Variants in TM4SF20 observed in about 807,000 individuals in gnomAD.
TM4SF20 encodes transmembrane 4 L6 family member 20.
A neutral mutation model predicts 15.1 loss-of-function variants in TM4SF20; 13 were observed. That is an observed-to-expected ratio of 0.86 (90% CI 0.56 to 1.36). TM4SF20 has a LOEUF of 1.36. Among genes scored for constraint, TM4SF20 ranks in the 40% most tolerant of loss-of-function variants. The probability of loss-of-function intolerance (pLI) is 0.00; values close to 1 mark genes in which losing one functional copy is unlikely to be tolerated. For missense variants in TM4SF20, 282 were observed against 268.4 expected (o/e 1.05, Z -0.35); for synonymous variants, 92 against 96.6 (o/e 0.95, Z 0.28).
intron 2 of TM4SF20, among the ~76,000 whole-genome samples, chr2:227,369,617 C>T (rs1267806818): frequency 5.3e-5 from 8 of 151,964 alleles, no homozygotes; most frequent in Admixed American, 2.6e-4. Context: ...TTAGTAGAGA[C>T]GGGGTTTCAC....
chr2:227,381,405 G>T (rs992005967), upstream of TM4SF20, among the ~76,000 whole-genome samples: 1 of 151,528 alleles, frequency 6.6e-6, no homozygotes, highest in Non-Finnish European at 1.5e-5. Flanking sequence ...CTGCATGGTT[G>T]AGATTTCTAC....
In TM4SF20 at chr2:227,363,657, C is replaced by G. The variant is rs2076374487; in HGVS notation, c.*67G>C. ...ATTTTTTAAATCATCTCAAAGATGA[C>G]TTTGAAAACAAGTGTACTTCTCAAA... On this transcript the variant is annotated 3_prime_UTR_variant, in exon 4 of 4. Transcript: ENST00000304568. The G allele has an allele frequency of 1.3e-6, 2 of 1,482,776 alleles. No individual in the cohort carries two copies. The highest frequency in any genetic ancestry group is 4.2e-5 in the Admixed American group (2 of 47,112). 91.9% of individuals were successfully genotyped at this position (1,482,776 alleles called of 1,614,324 possible).
At chr2:227,369,026 T>C (rs1269167079) in intron 2 of TM4SF20, among the ~76,000 whole-genome samples, 5 of 152,220 alleles carry the variant, frequency 3.3e-5, no homozygotes, top group Admixed American at 2.6e-4. Context: ...TTCAGAAATG[T>C]CTCAGGATGT....
intron 1 of TM4SF20, among the ~76,000 whole-genome samples, chr2:227,378,039 T>C (rs1322749142): frequency 4.6e-5 from 7 of 151,634 alleles, no homozygotes; most frequent in Non-Finnish European, 7.4e-5. Context: ...AAAACACTGA[T>C]AATATCAGTC....
chr2:227,368,168 C>T (rs1198771627), intron 2 of TM4SF20, among the ~76,000 whole-genome samples: 4 of 148,530 alleles, frequency 2.7e-5, no homozygotes, highest in South Asian at 2.1e-4. Context: ...GGACTACAGG[C>T]ACCCGCCACC....
At chr2:227,364,044 A>G (rs1205391076) in intron 3 of TM4SF20, 32 bp from the exon 4 acceptor site, 2 of 1,586,346 alleles carry the variant, frequency 1.3e-6, no homozygotes, top group Non-Finnish European at 1.7e-6. Flanking sequence ...TCAGATATTC[A>G]GAAATATCCC....
At chr2:227,366,275 G>A (rs1183442760) in intron 2 of TM4SF20, 31 bp from the exon 3 acceptor site, 2 of 1,594,542 alleles carry the variant, frequency 1.3e-6, no homozygotes, top group East Asian at 2.2e-5. Context: ...ATTTGCACAT[G>A]TTATGACATG....
Position 227,364,009 on chromosome 2 carries a change from G to A in TM4SF20, c.405C>T (p.Asp135=). The part of the protein sequence containing the change: ...NCEFSLKNIS[D]IHPESFNLQW... ...GCAAGTTGAAGGATTCTGGATGAATGTCACTGAAAAACAAAAGATAAAAAT... is the reference window on the plus strand; with the variant it reads ...GCAAGTTGAAGGATTCTGGATGAATATCACTGAAAAACAAAAGATAAAAAT... The change falls in exon 4 of 4, where the codon GAC becomes GAT. Residue 135 remains aspartate, a synonymous_variant. Coordinates refer to ENST00000304568, the MANE Select transcript of TM4SF20 (RefSeq NM_024795.4). The A allele has an allele frequency of 6.2e-7, 1 of 1,603,364 alleles. No individual in the cohort carries two copies. Among genetic ancestry groups the A allele is most frequent in the South Asian group, 1.1e-5 (1 of 89,370 alleles).
chr2:227,367,193 A>G (rs1226933723), intron 2 of TM4SF20, among the ~76,000 whole-genome samples: 2 of 152,154 alleles, frequency 1.3e-5, no homozygotes, highest in Non-Finnish European at 2.9e-5. Flanking sequence ...ACAACCAAAA[A>G]TGTCTCCAGG....
intron 3 of TM4SF20, 100 bp downstream of exon 3, chr2:227,365,993 G>A (rs2076390613): frequency 1.1e-5 from 14 of 1,232,336 alleles, no homozygotes; most frequent in African/African-American, 1.5e-5. Flanking sequence ...CCCGGCAGTT[G>A]CATCAAATAA....
chr2:227,376,340 T>A lies in TM4SF20; in HGVS notation c.183+2746A>T, dbSNP rs567063663. Among the ~76,000 whole-genome samples the A allele has an allele frequency of 2.0e-3, 303 of 148,088 alleles. 3 individuals are homozygous for A. The highest frequency in any genetic ancestry group is 7.0e-3 in the African/African-American group (290 of 41,238). On this transcript the variant is annotated intron_variant, in intron 1 of 3. Coordinates refer to ENST00000304568, the MANE Select transcript of TM4SF20 (RefSeq NM_024795.4). The stretch of plus-strand genomic sequence containing the variant: ...CAGTATTTTGAACTAGTGAGTATTT[T>A]CATGGATATTATAAAGGACATATTA...
chr2:227,368,720 C>T (rs2076406106), intron 2 of TM4SF20, among the ~76,000 whole-genome samples: 1 of 152,172 alleles, frequency 6.6e-6, no homozygotes, highest in African/African-American at 2.4e-5. Flanking sequence ...AAAGTGATTC[C>T]AGGCATGTGT....
chr2:227,364,719 ACT>A (rs1249456128), intron 3 of TM4SF20, among the ~76,000 whole-genome samples: 1 of 152,114 alleles, frequency 6.6e-6, no homozygotes, highest in Non-Finnish European at 1.5e-5. Context: ...GCCAAGGATC[ACT>A]CTCTTGTAAC....
chr2:227,368,812 G>A (rs2076406531), intron 2 of TM4SF20, among the ~76,000 whole-genome samples: 1 of 152,216 alleles, frequency 6.6e-6, no homozygotes, highest in African/African-American at 2.4e-5. Context: ...TGGAAAAAGG[G>A]AAGAAGCAAA....
intron 1 of TM4SF20, among the ~76,000 whole-genome samples, chr2:227,375,088 G>A (rs994616836): frequency 6.6e-6 from 1 of 151,780 alleles, no homozygotes; most frequent in African/African-American, 2.4e-5. Context: ...CACCATGCCT[G>A]GCTAATTTTT....
chr2:227,375,606 C>T (rs963589901), intron 1 of TM4SF20, among the ~76,000 whole-genome samples: 3 of 152,170 alleles, frequency 2.0e-5, no homozygotes, highest in African/African-American at 7.2e-5. Context: ...TCCCTTGCCG[C>T]AGCCTCCTGA....
chr2:227,370,920 T>A lies in TM4SF20; in HGVS notation c.244A>T (p.Thr82Ser), dbSNP rs1474641325. The A allele has an allele frequency of 6.2e-7, 1 of 1,613,990 alleles. No homozygotes were observed. The highest frequency in any genetic ancestry group is 1.3e-5 in the African/African-American group (1 of 75,054). ...ARKRACCNNR[T>S]GMFLSSLFSV... ...GCCGACTGCTTCATACTTACTCCAG[T>A]TCTGTTGTTGCAGCACGCTCTTTTT... The change falls in exon 2 of 4, where the codon ACT becomes TCT. Residue 82 changes from threonine (T) to serine (S), a missense_variant. Transcript: ENST00000304568.
rs1394204702 is a variant in TM4SF20, at chr2:227,363,721, A to G, written c.*3T>C. The G allele has an allele frequency of 4.3e-6, 7 of 1,610,036 alleles. No individual in the cohort carries two copies. The Admixed American group carries it at 1.0e-4, about 23-fold the overall frequency. The stretch of plus-strand genomic sequence containing the variant: ...CTGATACTTACATTTTATTCCCATT[A>G]AACTACACAATTTGACTTCTTCGCT... On this transcript the variant is annotated 3_prime_UTR_variant, in exon 4 of 4. Transcript: ENST00000304568.
chr2:227,367,251 C>T (rs947032859), intron 2 of TM4SF20, among the ~76,000 whole-genome samples: 7 of 152,096 alleles, frequency 4.6e-5, no homozygotes, highest in African/African-American at 1.2e-4. Context: ...TAAAATAACC[C>T]GCCGGTTGAG....
Sources: allele counts gnomAD v4.1 joint callset (sites outside exome capture counted in the v4.1 genomes callset), GRCh38; gene constraint gnomAD v4.1.1; transcripts MANE v1.5; gene names NCBI Gene and HGNC (gene_info 2026-07-23, HGNC 2026-07-21).